Variants in XRN1 observed in about 807,000 individuals in gnomAD.
The protein encoded by XRN1 is 5'-3' exoribonuclease 1, also known as strand-exchange protein 1 homolog.
A neutral mutation model predicts 222.3 loss-of-function variants in XRN1; 67 were observed. The observed-to-expected ratio is 0.30, with a 90% CI of 0.25 to 0.37. XRN1 has a LOEUF of 0.37. XRN1 is among the 10% of genes least tolerant of loss of function. The pLI, the probability that XRN1 is intolerant of heterozygous loss-of-function variation, is 1.00. For missense variants in XRN1, 1,707 were observed against 2,000.2 expected (o/e 0.85, Z 2.80); for synonymous variants, 643 against 652.4 (o/e 0.99, Z 0.22).
At position 142,423,543 on chromosome 3, in the gene XRN1, T is replaced by C. The variant is rs376358170; in HGVS notation, c.710+17A>G. The C allele has an allele frequency of 4.5e-6, 7 of 1,570,912 alleles. No homozygotes were observed. The Admixed American group carries it at 7.7e-5, about 17-fold the overall frequency. Reference sequence around the variant, plus strand: ...GGCGTAATTTCTTTCTTCCAACATATATGCTATATAATTTACCGTTGTGTT... The same window carrying C: ...GGCGTAATTTCTTTCTTCCAACATACATGCTATATAATTTACCGTTGTGTT... On this transcript the variant is annotated intron_variant, in intron 6 of 40. Coordinates refer to ENST00000392981, the MANE Select transcript of XRN1 (RefSeq NM_001282857.2).
chr3:142,409,572 C>G (rs1417853544), intron 15 of XRN1, among the ~76,000 whole-genome samples: 3 of 152,134 alleles, frequency 2.0e-5, no homozygotes, highest in Non-Finnish European at 2.9e-5. Flanking sequence ...AATGTGGCTT[C>G]ATGGTTAGTC....
At chr3:142,399,952 TAAAA>T (rs989770401) in intron 19 of XRN1, among the ~76,000 whole-genome samples, 1 of 151,662 alleles carries the variant, frequency 6.6e-6, no homozygotes, top group Non-Finnish European at 1.5e-5. Flanking sequence ...TATGAAATAA[TAAAA>T]AAACGACAAA....
At chr3:142,336,863 A>C (rs557252645) in intron 33 of XRN1, among the ~76,000 whole-genome samples, 1 of 152,282 alleles carries the variant, frequency 6.6e-6, no homozygotes, top group African/African-American at 2.4e-5. Context: ...TAACACCTTT[A>C]TGCTATATTT....
intron 3 of XRN1, among the ~76,000 whole-genome samples, chr3:142,425,908 A>G (rs1473314778): frequency 6.6e-6 from 1 of 151,128 alleles, no homozygotes; most frequent in African/African-American, 2.4e-5. Flanking sequence ...TTTTTTTTTT[A>G]AGGCTTGCAG....
chr3:142,425,951 T>C (rs2069230506), intron 3 of XRN1, among the ~76,000 whole-genome samples: 1 of 151,882 alleles, frequency 6.6e-6, no homozygotes, highest in Non-Finnish European at 1.5e-5. Context: ...AATAATAATA[T>C]TACTACTGAA....
intron 2 of XRN1, among the ~76,000 whole-genome samples, chr3:142,431,884 T>TAATC (rs71153965): frequency 1.6e-5 from 1 of 62,908 alleles, no homozygotes; most frequent in Non-Finnish European, 2.5e-5. Flanking sequence ...ATTATATATA[T>TAATC]TATATATAAT....
At position 142,447,867 on chromosome 3, in the gene XRN1, C is replaced by T. The variant is rs1195360791; in HGVS notation, c.75+3G>A. 1 of 1,613,394 alleles carries T rather than the reference C, an allele frequency of 6.2e-7. No homozygotes were observed. Among genetic ancestry groups the T allele is most frequent in the Admixed American group, 1.7e-5 (1 of 60,006 alleles). ...TCTGAGCCGTTGCCCCTCGCTCACCCACCTGATGCTCTTTCACCACTTCGC... is the reference window on the plus strand; with the variant it reads ...TCTGAGCCGTTGCCCCTCGCTCACCTACCTGATGCTCTTTCACCACTTCGC... On this transcript the variant is annotated splice_donor_region_variant and intron_variant, in intron 1 of 40. Transcript: ENST00000392981. The surrounding 1 kb of genome is among the most constrained non-coding windows in gnomAD (Gnocchi z 4.2).
intron 15 of XRN1, among the ~76,000 whole-genome samples, chr3:142,410,816 T>G (rs2068546149): frequency 6.6e-6 from 1 of 152,122 alleles, no homozygotes. Context: ...CTTAGGAGTT[T>G]TTGCATCTAC....
At chr3:142,381,200 G>A (rs899553762) in intron 22 of XRN1, among the ~76,000 whole-genome samples, 1 of 151,998 alleles carries the variant, frequency 6.6e-6, no homozygotes, top group Non-Finnish European at 1.5e-5. Context: ...TACTATGTGT[G>A]TATTTACTTA....
intron 29 of XRN1, among the ~76,000 whole-genome samples, chr3:142,364,475 G>A (rs191430943): frequency 7.9e-5 from 12 of 151,642 alleles, no homozygotes; most frequent in South Asian, 2.1e-4. Context: ...ACTTTTAAGC[G>A]TATGGTACAG....
intron 37 of XRN1, among the ~76,000 whole-genome samples, chr3:142,322,248 A>C (rs1476399937): frequency 2.6e-5 from 4 of 152,078 alleles, no homozygotes; most frequent in African/African-American, 4.8e-5. Flanking sequence ...TTGGGGTCTC[A>C]CTCTGTTGCC....
At chr3:142,416,694 CTA>C (rs1200032703) in intron 13 of XRN1, among the ~76,000 whole-genome samples, 2 of 152,036 alleles carry the variant, frequency 1.3e-5, no homozygotes, top group African/African-American at 4.8e-5. Context: ...AAAATATTAC[CTA>C]TGTTTCATTT....
intron 39 of XRN1, 132 bp downstream of exon 39, chr3:142,318,460 G>A (rs915236764): frequency 3.1e-5 from 25 of 812,266 alleles, no homozygotes; most frequent in Non-Finnish European, 4.9e-5. Context: ...TGAATCTGCA[G>A]GCTGTGGCTT....
In XRN1 at chr3:142,447,794, C is replaced by T. The variant is rs1225917371; in HGVS notation, c.75+76G>A. The T allele has an allele frequency of 1.1e-5, 17 of 1,535,462 alleles. 1 individual carries two copies. In the South Asian group the frequency reaches 1.7e-4, roughly 15 times the overall value. ...CGAGGGGAAAGAGGTGGCTCGAAAG[C>T]CCCAGCTCTAAGGTGGAGAGGGCCG... On this transcript the variant is annotated intron_variant, in intron 1 of 40. Transcript: ENST00000392981. The surrounding 1 kb of genome is among the most constrained non-coding windows in gnomAD (Gnocchi z 4.2).
intron 33 of XRN1, 86 bp downstream of exon 33, chr3:142,347,148 T>C (rs2066168178): frequency 2.1e-6 from 2 of 958,936 alleles, no homozygotes; most frequent in Non-Finnish European, 3.2e-6. Context: ...ATTTACTTTA[T>C]GGTATGTAAA....
At chr3:142,346,065 C>T (rs751278105) in intron 33 of XRN1, among the ~76,000 whole-genome samples, 1 of 152,224 alleles carries the variant, frequency 6.6e-6, no homozygotes, top group South Asian at 2.1e-4. Context: ...CATATGTTCA[C>T]ACAAAAACTT....
intron 21 of XRN1, among the ~76,000 whole-genome samples, chr3:142,383,801 C>T (rs747829533): frequency 6.6e-5 from 10 of 151,970 alleles, no homozygotes; most frequent in Non-Finnish European, 1.5e-4. Context: ...TACAGGATCG[C>T]TACATACTTA....
rs1577321724 is a variant in XRN1, at chr3:142,376,048, C to A, written c.2832-104G>T. 12 of 1,397,520 alleles carry A rather than the reference C, an allele frequency of 8.6e-6. No homozygotes were observed. In the East Asian group the frequency reaches 3.2e-4, roughly 37 times the overall value. 86.6% of individuals were successfully genotyped at this position (1,397,520 alleles called of 1,614,324 possible). On this transcript the variant is annotated intron_variant, in intron 24 of 40. Transcript: ENST00000392981. ...GGAACAAAAAGTTTTGCTTTCAATT[C>A]TTAGAAAAGCTCAGTTTTGATTATT...
chr3:142,436,677 A>G (rs2069924796), intron 1 of XRN1, among the ~76,000 whole-genome samples: 1 of 152,216 alleles, frequency 6.6e-6, no homozygotes, highest in Non-Finnish European at 1.5e-5. Flanking sequence ...ATACAATGGA[A>G]TTCAACACAG....
Sources: allele counts gnomAD v4.1 joint callset (sites outside exome capture counted in the v4.1 genomes callset), GRCh38; gene constraint gnomAD v4.1.1; non-coding constraint Gnocchi (gnomAD v3.1); transcripts MANE v1.5; gene names NCBI Gene and HGNC (gene_info 2026-07-23, HGNC 2026-07-21).